The following FOXN3 variants were observed in gnomAD, a reference collection of about 807,000 sequenced individuals.
The protein encoded by FOXN3 is forkhead box N3, also known as forkhead box protein N3.
A neutral mutation model predicts 38.4 loss-of-function variants in FOXN3; 7 were observed. The ratio of observed to expected loss-of-function variants is 0.18; its 90% CI spans 0.10 to 0.34. The LOEUF is 0.34. Among genes scored for constraint, FOXN3 ranks in the 10% least tolerant of loss-of-function variants. The pLI is 1.00. For synonymous variants in FOXN3, 230 were observed against 242.2 expected, an observed-to-expected ratio of 0.95 and a Z score of 0.47; for missense variants, 456 against 613.4, an observed-to-expected ratio of 0.74 and a Z score of 2.71.
chr14:89,496,636 G>C (rs1338032158), intron 1 of FOXN3, among the ~76,000 whole-genome samples: 1 of 152,162 alleles, frequency 6.6e-6, no homozygotes, highest in Non-Finnish European at 1.5e-5. Flanking sequence ...TGTTTTTATT[G>C]TGGTAAAATA....
rs202029502 is a variant in FOXN3, at chr14:89,162,519, C to T, written c.1302G>A (p.Ala434=). ...PESDDEEMKE[A]AGSLLHLAGI... is the part of the protein sequence containing the mutation. ...CTGCTAAGTGCAGGAGGGACCCTGC[C>T]GCTTCTTTCATCTCCTCATCATCGC... Residue 434 remains alanine, a synonymous_variant, in exon 6 of 6, where the codon GCG becomes GCA. Coordinates refer to ENST00000557258, the MANE Select transcript of FOXN3 (RefSeq NM_005197.4). This position sits in a 1 kb window ranked among gnomAD's most constrained non-coding sequence, Gnocchi z 7.2. 97 of 1,613,364 alleles carry T rather than the reference C, an allele frequency of 6.0e-5. No individual in the cohort carries two copies. The highest frequency in any genetic ancestry group is 1.3e-4 in the Admixed American group (8 of 59,910).
At chr14:89,241,674 TATAA>T (rs1466224048) in intron 4 of FOXN3, among the ~76,000 whole-genome samples, 1 of 152,192 alleles carries the variant, frequency 6.6e-6, no homozygotes, top group Admixed American at 6.5e-5. Flanking sequence ...GACAGTTGAT[TATAA>T]ATAGTTTTTT....
At chr14:89,393,996 T>A (rs1278750308) in intron 2 of FOXN3, among the ~76,000 whole-genome samples, 1 of 152,092 alleles carries the variant, frequency 6.6e-6, no homozygotes, top group East Asian at 1.9e-4. Context: ...GGTTGGCATC[T>A]GGTGAGGGCC....
intron 1 of FOXN3, among the ~76,000 whole-genome samples, chr14:89,566,873 T>C (rs1895364708): frequency 6.7e-6 from 1 of 150,288 alleles, no homozygotes; most frequent in African/African-American, 2.5e-5. Context: ...ACCCCCCTCC[T>C]CTTCCTTACC....
intron 1 of FOXN3, among the ~76,000 whole-genome samples, chr14:89,438,484 G>A (rs1376296361): frequency 6.6e-6 from 1 of 152,148 alleles, no homozygotes; most frequent in Non-Finnish European, 1.5e-5. Flanking sequence ...CAACCATTCA[G>A]GCTGGAGGAA....
chr14:89,409,352 C>CTGGGGGGGGG (rs1891474882), intron 2 of FOXN3: 1 of 145,392 alleles, frequency 6.9e-6, no homozygotes, highest in East Asian at 2.2e-4. Flanking sequence ...CGGTGGGGGA[C>CTGGGGGGGGG]GGGGGGGTCG....
chr14:89,467,977 C>T (rs1893014219), intron 1 of FOXN3, among the ~76,000 whole-genome samples: 1 of 151,482 alleles, frequency 6.6e-6, no homozygotes, highest in South Asian at 2.1e-4. Flanking sequence ...GCCCCCAGTC[C>T]TTCCTACTTT....
rs373725290 is a variant in FOXN3 at position 89,512,522 on chromosome 14, T to G, written c.-14-100032A>C. ...GAGGGAAACCCACGGAAGATAAGAG[T>G]TATTCTAGTAAGGTTTGTTTGTACA... On this transcript the variant is annotated intron_variant, in intron 1 of 6. Coordinates refer to the FOXN3 transcript ENST00000345097. Among the ~76,000 whole-genome samples the G allele has an allele frequency of 8.1e-4, 123 of 152,052 alleles. 1 individual carries two copies. Among genetic ancestry groups the G allele is most frequent in the African/African-American group, 2.8e-3 (118 of 41,470 alleles).
chr14:89,413,610 G>A (rs1891601983), intron 1 of FOXN3, among the ~76,000 whole-genome samples: 2 of 151,374 alleles, frequency 1.3e-5, no homozygotes, highest in Admixed American at 6.6e-5. Flanking sequence ...TCCAGCCTGA[G>A]CAACAGAGTG....
intron 2 of FOXN3, among the ~76,000 whole-genome samples, chr14:89,403,228 G>C (rs948809526): frequency 1.3e-4 from 19 of 151,722 alleles, no homozygotes; most frequent in African/African-American, 4.4e-4. Flanking sequence ...TGGAGACATG[G>C]TCTCACTCTG....
In FOXN3 at chr14:89,555,838, G is replaced by GGTGTGTGT. The variant is rs201016882; in HGVS notation, c.-15+63182_-15+63189dup. 8.6e-3 allele frequency among the ~76,000 whole-genome samples: 768 copies of GGTGTGTGT among 89,688 alleles called. 36 individuals are homozygous for GGTGTGTGT. Among genetic ancestry groups the GGTGTGTGT allele is most frequent in the African/African-American group, 0.022 (720 of 33,232 alleles). 58.8% of individuals were successfully genotyped at this position (89,688 alleles called of 152,430 possible). On this transcript the variant is annotated intron_variant, in intron 1 of 6. Transcript: ENST00000345097. ...TCATAAAGCTTACCTTCTAGTTCAT[G>GGTGTGTGT]GTGTGTGTGTGTGTGTGTGTGTGTG... is the stretch of plus-strand genomic sequence containing the variant.
At chr14:89,356,592 G>A (rs1474636492) in intron 2 of FOXN3, 1 of 152,198 alleles carries the variant, frequency 6.6e-6, no homozygotes, top group East Asian at 1.9e-4. Flanking sequence ...AGCTGGGTGT[G>A]TGTTGGTGAT....
chr14:89,241,126 G>A (rs1885128389), intron 4 of FOXN3, among the ~76,000 whole-genome samples: 1 of 152,106 alleles, frequency 6.6e-6, no homozygotes, highest in African/African-American at 2.4e-5. Flanking sequence ...GACATGTAGT[G>A]GCTGAGCCAG....
chr14:89,459,489 A>G (rs1892793952), intron 1 of FOXN3, among the ~76,000 whole-genome samples: 1 of 152,248 alleles, frequency 6.6e-6, no homozygotes, highest in Non-Finnish European at 1.5e-5. Flanking sequence ...AATGAGCTCC[A>G]GCGAGATTAT....
chr14:89,294,176 C>T (rs1322037272), intron 3 of FOXN3, among the ~76,000 whole-genome samples: 1 of 152,156 alleles, frequency 6.6e-6, no homozygotes, highest in Non-Finnish European at 1.5e-5. Flanking sequence ...CTCCTGAATC[C>T]TAATAGGCCT....
chr14:89,338,103 C>G (rs1002588348), intron 3 of FOXN3, among the ~76,000 whole-genome samples: 1 of 152,244 alleles, frequency 6.6e-6, no homozygotes, highest in East Asian at 1.9e-4. Flanking sequence ...GAGGGACACT[C>G]GGACCTTGGC....
At chr14:89,421,563 G>A, upstream of FOXN3, among the ~76,000 whole-genome samples, 1 of 142,192 alleles carries the variant, frequency 7.0e-6, no homozygotes, top group East Asian at 2.0e-4. Flanking sequence ...TTTTGCTCTT[G>A]TTGGCCAGGC....
chr14:89,217,004 T>C (rs1003841128), intron 4 of FOXN3, among the ~76,000 whole-genome samples: 1 of 152,228 alleles, frequency 6.6e-6, no homozygotes, highest in African/African-American at 2.4e-5. Flanking sequence ...GCTGTGCTGA[T>C]TCTGTTGAAG....
intron 1 of FOXN3, among the ~76,000 whole-genome samples, chr14:89,514,834 G>C (rs912853019): frequency 6.6e-6 from 1 of 152,110 alleles, no homozygotes; most frequent in Non-Finnish European, 1.5e-5. Flanking sequence ...GAAGAGGAGA[G>C]GTCCAGGAGT....
Sources: allele counts gnomAD v4.1 joint callset (sites outside exome capture counted in the v4.1 genomes callset), GRCh38; gene constraint gnomAD v4.1.1; non-coding constraint Gnocchi (gnomAD v3.1); transcripts MANE v1.5; gene names NCBI Gene and HGNC (gene_info 2026-07-23, HGNC 2026-07-21).